The following KCNK12 variants were observed in gnomAD, a reference collection of about 807,000 sequenced individuals.
KCNK12 encodes potassium two pore domain channel subfamily K member 12.
Under a neutral mutation model 25.3 loss-of-function variants are expected in KCNK12, and 6 were observed. The observed-to-expected ratio is 0.24, with a 90% confidence interval of 0.13 to 0.47. The LOEUF is 0.47. Ranked by LOEUF, KCNK12 falls within the 20% of genes least tolerant of loss-of-function variation. KCNK12 has a pLI of 0.99. For missense variants in KCNK12, 444 were observed against 661.7 expected, an observed-to-expected ratio of 0.67 and a Z score of 3.61; for synonymous variants, 331 against 311.1, an observed-to-expected ratio of 1.06 and a Z score of -0.67.
Position 47,570,912 on chromosome 2 carries a change from G to A in KCNK12, c.-581C>T, listed in dbSNP as rs1002531255. 2 of 152,174 alleles carry A rather than the reference G, an allele frequency of 1.3e-5. No individual in the cohort carries two copies. Among genetic ancestry groups the A allele is most frequent in the Non-Finnish European group, 2.9e-5 (2 of 68,056 alleles). 9.4% of individuals were successfully genotyped at this position (152,174 alleles called of 1,614,324 possible). On this transcript the variant is annotated 5_prime_UTR_variant, in exon 1 of 2. Coordinates refer to ENST00000327876, the MANE Select transcript of KCNK12 (RefSeq NM_022055.2). ...GCGTCGGCTTCAGAGCCTCGGAGCC[G>A]AGCCGAGTCCGGGGAAGCGCTCCTT...
rs1020296998 is a variant in KCNK12 at position 47,551,574 on chromosome 2, A to G, written c.391+18367T>C. Among the ~76,000 whole-genome samples, 6 of 152,294 alleles carry G rather than the reference A, an allele frequency of 3.9e-5. No individual in the cohort carries two copies. The East Asian group carries it at 1.2e-3, about 29-fold the overall frequency. ...CAAGAAATATTTGTTGAATAAATGG[A>G]TCAATGGGAATCATGTTTTCTGGAT... On this transcript the variant is annotated intron_variant, in intron 1 of 1. Coordinates refer to ENST00000327876, the MANE Select transcript of KCNK12 (RefSeq NM_022055.2). The surrounding 1 kb of genome is among the most constrained non-coding windows in gnomAD (Gnocchi z 5.3).
chr2:47,559,548 T>C (rs186905218), intron 1 of KCNK12, among the ~76,000 whole-genome samples: 1 of 152,318 alleles, frequency 6.6e-6, no homozygotes, highest in Admixed American at 6.5e-5. Context: ...CACTTCGAAG[T>C]AGTCATTCAA....
rs984953880 is a variant in KCNK12, at chr2:47,548,158, A to C, written c.391+21783T>G. Among the ~76,000 whole-genome samples the C allele has an allele frequency of 1.3e-5, 2 of 152,218 alleles. No individual in the cohort carries two copies. Among genetic ancestry groups the C allele is most frequent in the Non-Finnish European group, 2.9e-5 (2 of 68,038 alleles). Reference sequence around the variant, plus strand: ...TCCTGCCAAGCTTCCTGTAGCTTGCAGAACCGTAAGCCAATTAATCTTCTT... The same window carrying C: ...TCCTGCCAAGCTTCCTGTAGCTTGCCGAACCGTAAGCCAATTAATCTTCTT... On this transcript the variant is annotated intron_variant, in intron 1 of 1. Transcript: ENST00000327876. The surrounding 1 kb of genome is among the most constrained non-coding windows in gnomAD (Gnocchi z 4.4).
At chr2:47,561,892 G>A (rs1669680948) in intron 1 of KCNK12, among the ~76,000 whole-genome samples, 4 of 152,308 alleles carry the variant, frequency 2.6e-5, no homozygotes, top group African/African-American at 9.6e-5. Context: ...AAGGATATGA[G>A]CCAATAGTCT....
rs1007367548 is a variant in KCNK12 at position 47,513,622 on chromosome 2, G to C, written c.*7285C>G. Among the ~76,000 whole-genome samples the C allele has an allele frequency of 1.3e-5, 2 of 152,114 alleles. No individual in the cohort carries two copies. Among genetic ancestry groups the C allele is most frequent in the African/African-American group, 4.8e-5 (2 of 41,434 alleles). Reference sequence around the variant, plus strand: ...TCTAGACTCACAAGGCCAATTGCTTGGTGGGAACCCCTCCCCCATGGTTAT... The same window carrying C: ...TCTAGACTCACAAGGCCAATTGCTTCGTGGGAACCCCTCCCCCATGGTTAT... On this transcript the variant is annotated 3_prime_UTR_variant, in exon 2 of 2. Transcript: ENST00000327876.
chr2:47,534,515 A>AC (rs34901455), intron 1 of KCNK12, among the ~76,000 whole-genome samples: 15,501 of 48,106 alleles, frequency 0.32, 2,412 homozygotes, highest in East Asian at 0.61. Context: ...GCCCCTTCTA[A>AC]CCCCCCCCCC....
chr2:47,551,852 C>T lies in KCNK12; in HGVS notation c.391+18089G>A, dbSNP rs76064474. On this transcript the variant is annotated intron_variant, in intron 1 of 1. Transcript: ENST00000327876. This position sits in a 1 kb window ranked among gnomAD's most constrained non-coding sequence, Gnocchi z 5.3. ...GTTCTGAATGACATGTGTCTCACTA[C>T]AGTGGCATTACAGAGAAAGCCTGGA... Among the ~76,000 whole-genome samples, 12 of 152,332 alleles carry T rather than the reference C, an allele frequency of 7.9e-5. No individual in the cohort carries two copies. The highest frequency in any genetic ancestry group is 1.5e-4 in the Non-Finnish European group (10 of 68,028).
At position 47,565,938 on chromosome 2, in the gene KCNK12, G is replaced by A. The variant is rs1476282873; in HGVS notation, c.391+4003C>T. The stretch of plus-strand genomic sequence containing the variant: ...TGTCTTAGATGTTTTTTAATTGGCA[G>A]AATGAATAAATGGATACATTCACAT... On this transcript the variant is annotated intron_variant, in intron 1 of 1. Coordinates refer to ENST00000327876, the MANE Select transcript of KCNK12 (RefSeq NM_022055.2). This position sits in a 1 kb window ranked among gnomAD's most constrained non-coding sequence, Gnocchi z 5.0. 6.6e-6 allele frequency: 1 copy of A among 152,228 alleles called. No individual in the cohort carries two copies. Among genetic ancestry groups the A allele is most frequent in the East Asian group, 1.9e-4 (1 of 5,202 alleles). 9.4% of individuals were successfully genotyped at this position (152,228 alleles called of 1,614,324 possible).
At position 47,570,614 on chromosome 2, in the gene KCNK12, C is replaced by G. The variant is rs1669872576; in HGVS notation, c.-283G>C. The G allele has an allele frequency of 4.5e-6, 1 of 223,894 alleles. No homozygotes were observed. Among genetic ancestry groups the G allele is most frequent in the Admixed American group, 5.8e-5 (1 of 17,238 alleles). 13.9% of individuals were successfully genotyped at this position (223,894 alleles called of 1,614,324 possible). ...CGACGCCTCGCCGGCTCCCGCGGCTCCTTACCCGCCGCTCTCGGGCGCGGG... is the reference window on the plus strand; with the variant it reads ...CGACGCCTCGCCGGCTCCCGCGGCTGCTTACCCGCCGCTCTCGGGCGCGGG... On this transcript the variant is annotated 5_prime_UTR_variant, in exon 1 of 2. Transcript: ENST00000327876.
At position 47,509,661 on chromosome 2, in the gene KCNK12, C is replaced by G. The variant is rs150846128; in HGVS notation, c.*11246G>C. Reference sequence around the variant, plus strand: ...CATCAGTGTCAGAGAGCTAGGTGGCCAGGTTGGAGTTGATTGCCAATGATA... The same window carrying G: ...CATCAGTGTCAGAGAGCTAGGTGGCGAGGTTGGAGTTGATTGCCAATGATA... On this transcript the variant is annotated 3_prime_UTR_variant, in exon 2 of 2. Coordinates refer to ENST00000327876, the MANE Select transcript of KCNK12 (RefSeq NM_022055.2). 2.4e-3 allele frequency among the ~76,000 whole-genome samples: 360 copies of G among 152,324 alleles called. 2 individuals carry two copies. The highest frequency in any genetic ancestry group is 8.4e-3 in the African/African-American group (348 of 41,558).
At chr2:47,536,966 G>C (rs1395464436) in intron 1 of KCNK12, among the ~76,000 whole-genome samples, 1 of 152,286 alleles carries the variant, frequency 6.6e-6, no homozygotes, top group Non-Finnish European at 1.5e-5. Flanking sequence ...TCTTGTTTTG[G>C]TCTGTGTTTG....
At chr2:47,553,543 C>T (rs545771158) in intron 1 of KCNK12, among the ~76,000 whole-genome samples, 6 of 152,260 alleles carry the variant, frequency 3.9e-5, no homozygotes, top group Non-Finnish European at 8.8e-5. Context: ...CAAGGGACTT[C>T]ACAATTATCT....
Position 47,568,311 on chromosome 2 carries a change from A to C in KCNK12, c.391+1630T>G, listed in dbSNP as rs1295644756. Among the ~76,000 whole-genome samples, 3 of 152,024 alleles carry C rather than the reference A, an allele frequency of 2.0e-5. No homozygotes were observed. The East Asian group carries it at 5.8e-4, about 29-fold the overall frequency. On this transcript the variant is annotated intron_variant, in intron 1 of 1. Coordinates refer to ENST00000327876, the MANE Select transcript of KCNK12 (RefSeq NM_022055.2). ...CTTAGTACTTTTAAAGCACTTAAAAAAAAAAAAACTCTAGTTGCTATAGCA... is the reference window on the plus strand; with the variant it reads ...CTTAGTACTTTTAAAGCACTTAAAACAAAAAAAACTCTAGTTGCTATAGCA...
At position 47,515,156 on chromosome 2, in the gene KCNK12, C is replaced by T. The variant is rs1668490510; in HGVS notation, c.*5751G>A. On this transcript the variant is annotated 3_prime_UTR_variant, in exon 2 of 2. Coordinates refer to ENST00000327876, the MANE Select transcript of KCNK12 (RefSeq NM_022055.2). Reference sequence around the variant, plus strand: ...CTGGAGACCCCAACAGAGAGGAGAGCTGATGGGTGACGAGAAATCAGGCCT... The same window carrying T: ...CTGGAGACCCCAACAGAGAGGAGAGTTGATGGGTGACGAGAAATCAGGCCT... Among the ~76,000 whole-genome samples the T allele has an allele frequency of 6.6e-6, 1 of 152,184 alleles. No homozygotes were observed. Among genetic ancestry groups the T allele is most frequent in the South Asian group, 2.1e-4 (1 of 4,826 alleles).
intron 1 of KCNK12, among the ~76,000 whole-genome samples, chr2:47,531,742 C>T (rs1392078578): frequency 6.6e-6 from 1 of 152,158 alleles, no homozygotes; most frequent in Admixed American, 6.5e-5. Flanking sequence ...GGCGTAAAAA[C>T]AGTGGGTGCA....
chr2:47,530,025 T>G lies in KCNK12; in HGVS notation c.392-8217A>C, dbSNP rs750897957. ...AGCTTGGTACACTCCTCTGAGAAGC[T>G]TCTCCCAATATTCCCATCTCATTTG... On this transcript the variant is annotated intron_variant, in intron 1 of 1. Transcript: ENST00000327876. 6.6e-5 allele frequency among the ~76,000 whole-genome samples: 10 copies of G among 152,204 alleles called. 1 individual carries two copies. Among genetic ancestry groups the G allele is most frequent in the Non-Finnish European group, 1.2e-4 (8 of 68,032 alleles).
chr2:47,532,211 A>G (rs1668948109), intron 1 of KCNK12, among the ~76,000 whole-genome samples: 1 of 143,606 alleles, frequency 7.0e-6, no homozygotes, highest in Non-Finnish European at 1.5e-5. Flanking sequence ...GCAAACAAAC[A>G]AATTTGTAAA....
In KCNK12 at chr2:47,515,191, G is replaced by A. The variant is rs1036811304; in HGVS notation, c.*5716C>T. 2.0e-5 allele frequency among the ~76,000 whole-genome samples: 3 copies of A among 152,144 alleles called. No individual in the cohort carries two copies. Among genetic ancestry groups the A allele is most frequent in the Non-Finnish European group, 2.9e-5 (2 of 68,030 alleles). On this transcript the variant is annotated 3_prime_UTR_variant, in exon 2 of 2. Coordinates refer to ENST00000327876, the MANE Select transcript of KCNK12 (RefSeq NM_022055.2). ...ACGAGAAATCAGGCCTCTCCGCCAC[G>A]GCAGCCTAGCTAATGGGTCTTGGCT... is the stretch of plus-strand genomic sequence containing the variant.
chr2:47,565,000 T>C (rs1242891319), intron 1 of KCNK12: 1 of 150,852 alleles, frequency 6.6e-6, no homozygotes, highest in East Asian at 1.9e-4. Flanking sequence ...AGGCCCTGTC[T>C]CTTAAAAAAA....
Sources: gnomAD v4.1 joint callset for allele counts (sites outside exome capture counted in the v4.1 genomes callset) on GRCh38, gnomAD v4.1.1 for gene constraint, Gnocchi (gnomAD v3.1) non-coding constraint, MANE v1.5 for transcripts, NCBI Gene and HGNC (gene_info 2026-07-23, HGNC 2026-07-21) for gene names.